Variants in ADGRL2 observed in about 807,000 individuals in gnomAD.
ADGRL2 encodes adhesion G protein-coupled receptor L2.
A neutral mutation model predicts 157.4 loss-of-function variants in ADGRL2; 44 were observed. The observed-to-expected ratio is 0.28, with a 90% CI of 0.22 to 0.36. The LOEUF is 0.36. Ranked by LOEUF, ADGRL2 falls within the 10% of genes least tolerant of loss-of-function variation. ADGRL2 has a pLI of 1.00. For missense variants in ADGRL2, 1,510 were observed against 1,768.9 expected, an observed-to-expected ratio of 0.85 and a Z score of 2.63; for synonymous variants, 585 against 624.7, an observed-to-expected ratio of 0.94 and a Z score of 0.95.
At chr1:81,872,270 C>T (rs1399332259) in intron 2 of ADGRL2, among the ~76,000 whole-genome samples, 1 of 152,136 alleles carries the variant, frequency 6.6e-6, no homozygotes, top group African/African-American at 2.4e-5. Context: ...TCTGAGGGCT[C>T]TGTTCTGTTC....
intron 2 of ADGRL2, among the ~76,000 whole-genome samples, chr1:81,863,532 T>C (rs1349252170): frequency 1.3e-5 from 2 of 152,170 alleles, no homozygotes; most frequent in Non-Finnish European, 2.9e-5. Flanking sequence ...TAGCAGTGGC[T>C]CCCTCCTGTG....
intron 1 of ADGRL2, among the ~76,000 whole-genome samples, chr1:81,803,808 T>C (rs1267837946): frequency 1.3e-5 from 2 of 152,230 alleles, no homozygotes; most frequent in Admixed American, 1.3e-4. Flanking sequence ...CGTGCACTTC[T>C]CTTCCCCTTT....
At chr1:81,698,680 C>G (rs1214564435), upstream of ADGRL2, among the ~76,000 whole-genome samples, 1 of 152,170 alleles carries the variant, frequency 6.6e-6, no homozygotes, top group African/African-American at 2.4e-5. Flanking sequence ...GAGTACAGTA[C>G]ATTGACAAAA....
intron 2 of ADGRL2, chr1:81,503,055 G>A: frequency 6.2e-7 from 1 of 1,610,296 alleles, no homozygotes; most frequent in Non-Finnish European, 8.5e-7. Context: ...CACTGGAGCA[G>A]CTGCGGGAGC....
intron 2 of ADGRL2, among the ~76,000 whole-genome samples, chr1:81,769,317 T>A (rs1190702876): frequency 1.3e-5 from 2 of 152,202 alleles, no homozygotes; most frequent in African/African-American, 4.8e-5. Flanking sequence ...CCCTTATCTG[T>A]GTTTTAGCAT....
chr1:81,741,076 GC>G (rs1378617416), intron 1 of ADGRL2, among the ~76,000 whole-genome samples: 34 of 151,526 alleles, frequency 2.2e-4, no homozygotes, highest in Admixed American at 1.9e-3. Context: ...TGTATTATAG[GC>G]CAGAGGCTAA....
chr1:81,846,898 A>G (rs554475040), intron 2 of ADGRL2, among the ~76,000 whole-genome samples: 1 of 151,858 alleles, frequency 6.6e-6, no homozygotes, highest in African/African-American at 2.4e-5. Flanking sequence ...GGCGATGTTG[A>G]CAGGCTTTTT....
Position 81,677,679 on chromosome 1 carries a change from G to A in ADGRL2, c.-142-84132G>A, listed in dbSNP as rs1021173062. Among the ~76,000 whole-genome samples the A allele has an allele frequency of 7.2e-5, 11 of 151,986 alleles. No individual in the cohort carries two copies. The South Asian group carries it at 1.3e-3, about 17-fold the overall frequency. On this transcript the variant is annotated intron_variant, in intron 3 of 24. Coordinates refer to the ADGRL2 transcript ENST00000370721. ...TTGTACTGTCTAAATTAAGCCCCTCGTTACCTCAGGCCTCGACTAAAATAA... is the reference window on the plus strand; with the variant it reads ...TTGTACTGTCTAAATTAAGCCCCTCATTACCTCAGGCCTCGACTAAAATAA...
intron 2 of ADGRL2, among the ~76,000 whole-genome samples, chr1:81,455,923 G>A (rs1450553580): frequency 6.6e-6 from 1 of 152,314 alleles, no homozygotes; most frequent in East Asian, 1.9e-4. Context: ...TGAATCTTGA[G>A]TGAATCCTTG....
At chr1:81,460,928 A>G (rs2077913436) in intron 2 of ADGRL2, among the ~76,000 whole-genome samples, 1 of 152,178 alleles carries the variant, frequency 6.6e-6, no homozygotes, top group African/African-American at 2.4e-5. Flanking sequence ...ATATTTGTTT[A>G]AAGGAAACAG....
rs148303368 is a variant in ADGRL2, at chr1:81,846,561, C to G, written c.73+9504C>G. ...CAGGGATTTAATCTAAAAAAAGGAT[C>G]CAAGTAAAATTCTTATTTTGTTGCA... On this transcript the variant is annotated intron_variant, in intron 2 of 23. Transcript: ENST00000686636. Among the ~76,000 whole-genome samples the G allele has an allele frequency of 7.1e-3, 1,071 of 151,798 alleles. 8 individuals carry two copies. Among genetic ancestry groups the G allele is most frequent in the Non-Finnish European group, 0.011 (767 of 67,862 alleles).
intron 3 of ADGRL2, among the ~76,000 whole-genome samples, chr1:81,921,921 G>GT (rs2094989802): frequency 6.6e-6 from 1 of 152,080 alleles, no homozygotes; most frequent in African/African-American, 2.4e-5. Flanking sequence ...CACTCTAACA[G>GT]TATTTATTAA....
At chr1:81,527,515 C>A (rs1172174665) in intron 2 of ADGRL2, among the ~76,000 whole-genome samples, 1 of 152,120 alleles carries the variant, frequency 6.6e-6, no homozygotes, top group Non-Finnish European at 1.5e-5. Context: ...AGTTCGAGAC[C>A]AGCCTGGCCA....
At position 81,936,641 on chromosome 1, in the gene ADGRL2, G is replaced by C. The variant is rs2095314467; in HGVS notation, c.288-87G>C. On this transcript the variant is annotated intron_variant, in intron 3 of 23. Coordinates refer to ENST00000686636, the MANE Select transcript of ADGRL2 (RefSeq NM_001366006.2). The stretch of plus-strand genomic sequence containing the variant: ...TGTTTTATGTTTCTGGTTGCTTAAA[G>C]AAAATGAGAAAAACTTCTATGTTAT... 4.2e-6 allele frequency: 3 copies of C among 713,072 alleles called. No individual in the cohort carries two copies. The East Asian group carries it at 8.3e-5, about 20-fold the overall frequency. The allele number at this position is 713,072 out of a possible 1,614,324, so 44.2% of individuals were successfully genotyped here. A position where few individuals can be genotyped will look rare whatever the true frequency, so the allele number is the denominator to read the frequency against.
In ADGRL2 at chr1:81,938,577, T is replaced by C. The variant is rs1217343787; in HGVS notation, c.397+1740T>C. Among the ~76,000 whole-genome samples, 3 of 151,848 alleles carry C rather than the reference T, an allele frequency of 2.0e-5. No individual in the cohort carries two copies. In the East Asian group the frequency reaches 5.8e-4, roughly 29 times the overall value. On this transcript the variant is annotated intron_variant, in intron 4 of 23. Coordinates refer to ENST00000686636, the MANE Select transcript of ADGRL2 (RefSeq NM_001366006.2). ...AGAAGTATTTGTTCCTTTTAGTTTT[T>C]GTCTTTTAATTTAAAAAAATCAGTA...
At chr1:81,566,273 T>C (rs149670340) in intron 2 of ADGRL2, among the ~76,000 whole-genome samples, 32 of 152,278 alleles carry the variant, frequency 2.1e-4, no homozygotes, top group African/African-American at 7.7e-4. Context: ...CACCACATAG[T>C]TTTAAAATAA....
chr1:81,344,334 G>A (rs143293712), intron 1 of ADGRL2, among the ~76,000 whole-genome samples: 3 of 152,262 alleles, frequency 2.0e-5, no homozygotes, highest in African/African-American at 7.2e-5. Flanking sequence ...TTAATTTATT[G>A]TTTTGTTAAT....
chr1:81,931,089 C>T (rs902372613), intron 3 of ADGRL2, among the ~76,000 whole-genome samples: 3 of 152,192 alleles, frequency 2.0e-5, no homozygotes, highest in African/African-American at 7.2e-5. Context: ...GCCAAGGTTG[C>T]AGTGAGCCAA....
chr1:81,693,462 T>G (rs984913007), intron 3 of ADGRL2, among the ~76,000 whole-genome samples: 5 of 152,216 alleles, frequency 3.3e-5, no homozygotes, highest in African/African-American at 1.2e-4. Flanking sequence ...TGCACTGGAT[T>G]GACTTTTTTC....
Sources: allele counts gnomAD v4.1 joint callset (sites outside exome capture counted in the v4.1 genomes callset), GRCh38; gene constraint gnomAD v4.1.1; transcripts MANE v1.5; gene names NCBI Gene and HGNC (gene_info 2026-07-23, HGNC 2026-07-21).